Variants in PCDH9 observed in about 807,000 individuals in gnomAD.
PCDH9 encodes protocadherin 9, also known as protocadherin-9.
PCDH9 carries 24 observed loss-of-function variants against 70.6 expected under a neutral mutation model. That is an observed-to-expected ratio of 0.34 (90% CI 0.25 to 0.48). The LOEUF (loss-of-function observed/expected upper bound fraction) is 0.48. Among genes scored for constraint, PCDH9 ranks in the 20% least tolerant of loss-of-function variants. The probability of loss-of-function intolerance (pLI) is 0.99; values close to 1 mark genes in which losing one functional copy is unlikely to be tolerated. For synonymous variants in PCDH9, 562 were observed against 558.5 expected, an observed-to-expected ratio of 1.01 and a Z score of -0.09; for missense variants, 1,281 against 1,503.6, an observed-to-expected ratio of 0.85 and a Z score of 2.45.
At chr13:66,807,970 T>C (rs181609980) in intron 3 of PCDH9, among the ~76,000 whole-genome samples, 24 of 152,232 alleles carry the variant, frequency 1.6e-4, no homozygotes, top group South Asian at 4.2e-4. Context: ...TTGAGTGTTA[T>C]GGGGGTAGAT....
intron 2 of PCDH9, among the ~76,000 whole-genome samples, chr13:67,197,098 A>C (rs1007014731): frequency 6.6e-6 from 1 of 150,968 alleles, no homozygotes; most frequent in Non-Finnish European, 1.5e-5. Context: ...AGAAAAAAAA[A>C]TCAAATTTAA....
chr13:66,671,645 TG>T, intron 3 of PCDH9, among the ~76,000 whole-genome samples: 1 of 152,316 alleles, frequency 6.6e-6, no homozygotes, highest in Non-Finnish European at 1.5e-5. Flanking sequence ...GGTGGCATTT[TG>T]CCCCTGCCCT....
At chr13:66,775,615 G>A (rs895280808) in intron 3 of PCDH9, among the ~76,000 whole-genome samples, 2 of 152,040 alleles carry the variant, frequency 1.3e-5, no homozygotes, top group South Asian at 2.1e-4. Context: ...CCACTTAACC[G>A]ATAATAAATA....
rs117117981 is a variant in PCDH9, at chr13:66,507,176, C to T, written c.3340+124034G>A. Among the ~76,000 whole-genome samples the T allele has an allele frequency of 7.1e-3, 1,072 of 151,914 alleles. 35 individuals are homozygous for T. In the East Asian group the frequency reaches 0.093, roughly 13 times the overall value. ...GTTGATTGCCTGCCTGAGCTGAAAT[C>T]TGAAACTGTCACCCTCAGACTTGCA... is the stretch of plus-strand genomic sequence containing the variant. On this transcript the variant is annotated intron_variant, in intron 4 of 4. Coordinates refer to ENST00000377865, the MANE Select transcript of PCDH9 (RefSeq NM_203487.3).
intron 2 of PCDH9, among the ~76,000 whole-genome samples, chr13:67,146,050 G>T (rs1346165919): frequency 6.6e-6 from 1 of 152,038 alleles, no homozygotes; most frequent in Non-Finnish European, 1.5e-5. Flanking sequence ...TTAATCTTCA[G>T]ATTTAATAGG....
At chr13:66,380,887 T>A (rs909769465) in intron 4 of PCDH9, among the ~76,000 whole-genome samples, 1 of 152,132 alleles carries the variant, frequency 6.6e-6, no homozygotes, top group Non-Finnish European at 1.5e-5. Flanking sequence ...CCCTCCATGG[T>A]CTGTAAGATA....
chr13:66,954,046 T>A (rs1361486520), intron 2 of PCDH9, among the ~76,000 whole-genome samples: 2 of 152,174 alleles, frequency 1.3e-5, no homozygotes, highest in East Asian at 3.9e-4. Context: ...AAATACCAAA[T>A]GAAGAAGCCT....
At chr13:66,641,549 T>C (rs1302596315) in intron 3 of PCDH9, among the ~76,000 whole-genome samples, 1 of 152,174 alleles carries the variant, frequency 6.6e-6, no homozygotes, top group Non-Finnish European at 1.5e-5. Context: ...CTCCAGGCTC[T>C]ACTAAAAGCA....
intron 4 of PCDH9, among the ~76,000 whole-genome samples, chr13:66,334,425 T>G (rs1489549283): frequency 6.6e-6 from 1 of 151,996 alleles, no homozygotes; most frequent in African/African-American, 2.4e-5. Flanking sequence ...ATAATGTGTG[T>G]GTTGGTCTTC....
At chr13:66,579,405 A>C (rs1367408542) in intron 4 of PCDH9, among the ~76,000 whole-genome samples, 1 of 152,080 alleles carries the variant, frequency 6.6e-6, no homozygotes, top group African/African-American at 2.4e-5. Flanking sequence ...ATGTTAAATT[A>C]TTACCAAACA....
intron 4 of PCDH9, among the ~76,000 whole-genome samples, chr13:66,593,317 T>C (rs2077059838): frequency 6.6e-6 from 1 of 151,682 alleles, no homozygotes; most frequent in Non-Finnish European, 1.5e-5. Flanking sequence ...CAAATTATCA[T>C]GATATGGCTG....
At chr13:66,709,432 A>G (rs2078762131) in intron 3 of PCDH9, among the ~76,000 whole-genome samples, 1 of 152,232 alleles carries the variant, frequency 6.6e-6, no homozygotes, top group Admixed American at 6.5e-5. Flanking sequence ...AAATCTAGGA[A>G]AAGCAATGTG....
chr13:66,744,834 T>C (rs865830391), intron 3 of PCDH9, among the ~76,000 whole-genome samples: 1 of 152,178 alleles, frequency 6.6e-6, no homozygotes, highest in Non-Finnish European at 1.5e-5. Flanking sequence ...AAATATATAT[T>C]AGTTCTGGCA....
Position 66,732,832 on chromosome 13 carries a change from C to G in PCDH9, c.3139-101421G>C, listed in dbSNP as rs114160343. On this transcript the variant is annotated intron_variant, in intron 3 of 4. Transcript: ENST00000377865. ...TCACAACTTCAAAATATTCCCCAAC[C>G]TGGGATCTATGAGAGATATTTTATG... Among the ~76,000 whole-genome samples, 145 of 152,010 alleles carry G rather than the reference C, an allele frequency of 9.5e-4. 1 individual carries two copies. The highest frequency in any genetic ancestry group is 3.4e-3 in the Middle Eastern group (1 of 294).
chr13:66,540,149 A>G lies in PCDH9; in HGVS notation c.3340+91061T>C, dbSNP rs1278960570. The stretch of plus-strand genomic sequence containing the variant: ...CCTCAGGTGCCAAAGTGCTGGGATT[A>G]CAAGTGTGAGCCATTGTTCCTGGCA... On this transcript the variant is annotated intron_variant, in intron 4 of 4. Transcript: ENST00000377865. Among the ~76,000 whole-genome samples, 4 of 152,170 alleles carry G rather than the reference A, an allele frequency of 2.6e-5. No individual in the cohort carries two copies. In the East Asian group the frequency reaches 7.7e-4, roughly 29 times the overall value.
chr13:66,647,703 G>A (rs1229943607), intron 3 of PCDH9, among the ~76,000 whole-genome samples: 1 of 152,124 alleles, frequency 6.6e-6, no homozygotes, highest in South Asian at 2.1e-4. Flanking sequence ...TTGTCTTGCA[G>A]CTTATGTACC....
At chr13:66,483,493 T>C (rs1958879485) in intron 4 of PCDH9, among the ~76,000 whole-genome samples, 2 of 152,312 alleles carry the variant, frequency 1.3e-5, no homozygotes, top group Non-Finnish European at 2.9e-5. Context: ...GAAGTGAGTG[T>C]GAAACATGGG....
At chr13:66,835,845 T>A (rs2081009114) in intron 3 of PCDH9, among the ~76,000 whole-genome samples, 1 of 152,092 alleles carries the variant, frequency 6.6e-6, no homozygotes, top group African/African-American at 2.4e-5. Context: ...TTAAAGATTG[T>A]CAAGGGCAAA....
chr13:66,957,897 G>A (rs573511072), intron 2 of PCDH9, among the ~76,000 whole-genome samples: 1 of 152,250 alleles, frequency 6.6e-6, no homozygotes, highest in African/African-American at 2.4e-5. Context: ...TAATACAAAC[G>A]TAAAATACAA....
Sources: gnomAD v4.1 joint callset for allele counts (sites outside exome capture counted in the v4.1 genomes callset) on GRCh38, gnomAD v4.1.1 for gene constraint, MANE v1.5 for transcripts, NCBI Gene and HGNC (gene_info 2026-07-23, HGNC 2026-07-21) for gene names.